Variants in KIAA1217 observed in about 807,000 individuals in gnomAD.
KIAA1217 encodes the protein sickle tail protein homolog.
In KIAA1217, 88 loss-of-function variants were observed where a neutral mutation model predicts 163.9. That is an observed-to-expected ratio of 0.54 (90% CI 0.45 to 0.64). KIAA1217 has a LOEUF of 0.64. Ranked by LOEUF, KIAA1217 falls within the 30% of genes least tolerant of loss-of-function variation. KIAA1217 has a pLI of 0.00. For missense variants in KIAA1217, 2,372 were observed against 2,475.0 expected, an observed-to-expected ratio of 0.96 and a Z score of 0.88; for synonymous variants, 903 against 923.1, an observed-to-expected ratio of 0.98 and a Z score of 0.39.
Position 23,974,219 on chromosome 10 carries a change from C to G in KIAA1217, c.-320-33006C>G, listed in dbSNP as rs575927412. On this transcript the variant is annotated intron_variant, in intron 1 of 18. Coordinates refer to the KIAA1217 transcript ENST00000376462. ...AAGTGGGTTTGAAGTCTATGCCCAA[C>G]AACTCCTAAGATGCTAACCTTGGAG... Among the ~76,000 whole-genome samples, 19 of 152,264 alleles carry G rather than the reference C, an allele frequency of 1.2e-4. No individual in the cohort carries two copies. In the South Asian group the frequency reaches 3.3e-3, roughly 27 times the overall value.
At chr10:23,735,561 T>C (rs1044301012) in intron 1 of KIAA1217, among the ~76,000 whole-genome samples, 1 of 152,082 alleles carries the variant, frequency 6.6e-6, no homozygotes, top group African/African-American at 2.4e-5. Context: ...TCTTCTTGTA[T>C]GTTTATTTGC....
chr10:23,824,082 G>A lies in KIAA1217; in HGVS notation c.-321+128848G>A, dbSNP rs890603001. Among the ~76,000 whole-genome samples the A allele has an allele frequency of 2.6e-5, 4 of 151,894 alleles. No homozygotes were observed. The East Asian group carries it at 7.8e-4, about 30-fold the overall frequency. ...AGCCCAGGAGTTCAACACCAGCCTG[G>A]GAAATACAGTGAAACCCCATCTCTA... On this transcript the variant is annotated intron_variant, in intron 1 of 18. Coordinates refer to the KIAA1217 transcript ENST00000376462.
intron 1 of KIAA1217, among the ~76,000 whole-genome samples, chr10:23,735,680 T>C (rs558801315): frequency 6.6e-6 from 1 of 152,276 alleles, no homozygotes; most frequent in East Asian, 1.9e-4. Flanking sequence ...TTATATATTA[T>C]GATTACCATT....
intron 3 of KIAA1217, among the ~76,000 whole-genome samples, chr10:24,386,551 A>G (rs2130666538): frequency 6.9e-6 from 1 of 144,698 alleles, no homozygotes; most frequent in South Asian, 2.3e-4. Flanking sequence ...TGAATATTCA[A>G]AAATAAATCT....
intron 2 of KIAA1217, among the ~76,000 whole-genome samples, chr10:24,092,330 T>C (rs1380605108): frequency 6.6e-6 from 1 of 151,714 alleles, no homozygotes; most frequent in Non-Finnish European, 1.5e-5. Context: ...TCCTACCACC[T>C]CACCAAACTA....
intron 2 of KIAA1217, among the ~76,000 whole-genome samples, chr10:24,268,214 G>A (rs898601754): frequency 3.3e-5 from 5 of 152,134 alleles, no homozygotes; most frequent in African/African-American, 7.2e-5. Flanking sequence ...AAAACTAGGC[G>A]AACTAGTAGT....
At chr10:23,883,430 A>T (rs1229095554) in intron 1 of KIAA1217, among the ~76,000 whole-genome samples, 7 of 151,948 alleles carry the variant, frequency 4.6e-5, no homozygotes, top group Middle Eastern at 3.2e-3. Context: ...GTTGCTGTGG[A>T]CAAAAGAAAA....
chr10:24,196,073 G>A (rs928354147), intron 2 of KIAA1217, among the ~76,000 whole-genome samples: 2 of 151,996 alleles, frequency 1.3e-5, no homozygotes, highest in African/African-American at 2.4e-5. Context: ...GTTCAAGGCT[G>A]CAGCAAGGTA....
chr10:24,313,843 GT>G (rs35876174), intron 2 of KIAA1217, among the ~76,000 whole-genome samples: 72 of 113,406 alleles, frequency 6.3e-4, no homozygotes, highest in Middle Eastern at 4.8e-3. Context: ...CCATCTGGTT[GT>G]TTTTTTTTTT....
chr10:23,700,393 C>T (rs1456620584), intron 1 of KIAA1217, among the ~76,000 whole-genome samples: 1 of 152,060 alleles, frequency 6.6e-6, no homozygotes. Context: ...CCTTGTACCA[C>T]CCCCAAAGTC....
At position 24,015,406 on chromosome 10, in the gene KIAA1217, G is replaced by A. The variant is rs530577489; in HGVS notation, c.-171+8032G>A. Among the ~76,000 whole-genome samples, 18 of 152,194 alleles carry A rather than the reference G, an allele frequency of 1.2e-4. 1 individual carries two copies. Among genetic ancestry groups the A allele is most frequent in the African/African-American group, 4.3e-4 (18 of 41,540 alleles). ...CCATGTTGCAGCCTCCTCAGTCTTAGTAGAAGAGAAAGACTTTATAATGAT... is the reference window on the plus strand; with the variant it reads ...CCATGTTGCAGCCTCCTCAGTCTTAATAGAAGAGAAAGACTTTATAATGAT... On this transcript the variant is annotated intron_variant, in intron 2 of 18. Coordinates refer to the KIAA1217 transcript ENST00000376462.
intron 1 of KIAA1217, among the ~76,000 whole-genome samples, chr10:23,752,551 C>T (rs905905287): frequency 7.9e-5 from 12 of 152,092 alleles, no homozygotes; most frequent in South Asian, 2.1e-4. Context: ...CCACATATAA[C>T]GTTCATTTTT....
chr10:24,147,156 G>A (rs2064359936), intron 2 of KIAA1217, among the ~76,000 whole-genome samples: 1 of 152,080 alleles, frequency 6.6e-6, no homozygotes, highest in Admixed American at 6.6e-5. Context: ...TCTGCTGGTT[G>A]ATAAATACAG....
At chr10:24,494,442 C>A (rs187443168) in intron 6 of KIAA1217, 58 bp from the exon 7 acceptor site, 13 of 1,442,498 alleles carry the variant, frequency 9.0e-6, no homozygotes, top group Non-Finnish European at 1.3e-5. Flanking sequence ...TGCATTCACC[C>A]GGACAAACTG....
At chr10:23,933,865 G>A (rs1032190401) in intron 1 of KIAA1217, among the ~76,000 whole-genome samples, 26 of 152,164 alleles carry the variant, frequency 1.7e-4, no homozygotes, top group Non-Finnish European at 2.4e-4. Context: ...TCAGAATGGC[G>A]ATTATTAAAG....
At chr10:24,003,086 A>G (rs1363478111) in intron 1 of KIAA1217, among the ~76,000 whole-genome samples, 1 of 152,166 alleles carries the variant, frequency 6.6e-6, no homozygotes, top group Non-Finnish European at 1.5e-5. Context: ...ACATCTCTAC[A>G]ATTGTGAATT....
In KIAA1217 at chr10:24,524,473, T is replaced by C. The variant is rs1329962346; in HGVS notation, c.2607T>C (p.Pro869=). The change falls in exon 13 of 21, where the codon CCT becomes CCC. Residue 869 remains proline, a synonymous_variant. Transcript: ENST00000376454. The part of the protein sequence containing the change: ...SGQPFHSTGA[P]GDAKSEVVPL... ...AGCCCTTCCACAGCACAGGTGCCCC[T>C]GGCGATGCGAAGTCGGAAGTGGTGC... 4 of 1,614,040 alleles carry C rather than the reference T, an allele frequency of 2.5e-6. No homozygotes were observed. In the African/African-American group the frequency reaches 5.3e-5, roughly 22 times the overall value.
At chr10:23,766,332 C>T (rs1834513996) in intron 1 of KIAA1217, among the ~76,000 whole-genome samples, 1 of 152,202 alleles carries the variant, frequency 6.6e-6, no homozygotes, top group African/African-American at 2.4e-5. Context: ...AATGTCAAAA[C>T]ATACAGTTAA....
chr10:24,065,929 T>A, intron 2 of KIAA1217, among the ~76,000 whole-genome samples: 1 of 152,200 alleles, frequency 6.6e-6, no homozygotes, highest in Admixed American at 6.5e-5. Flanking sequence ...TCTTTGTTAG[T>A]TTAAAGTCTG....
Sources: allele counts gnomAD v4.1 joint callset (sites outside exome capture counted in the v4.1 genomes callset), GRCh38; gene constraint gnomAD v4.1.1; transcripts MANE v1.5; gene names NCBI Gene and HGNC (gene_info 2026-07-23, HGNC 2026-07-21).